The following GPHN variants were observed in gnomAD, a reference collection of about 807,000 sequenced individuals.
GPHN encodes the protein gephyrin.
In GPHN, 17 loss-of-function variants were observed where a neutral mutation model predicts 95.5. The observed-to-expected ratio is 0.18, with a 90% CI of 0.12 to 0.27. GPHN has a LOEUF of 0.27. Ranked by LOEUF, GPHN falls within the 10% of genes least tolerant of loss-of-function variation. The pLI is 1.00. For synonymous variants in GPHN, 320 were observed against 322.5 expected (o/e 0.99, Z 0.08); for missense variants, 660 against 978.1 (o/e 0.67, Z 4.34).
intron 1 of GPHN, among the ~76,000 whole-genome samples, chr14:66,576,759 A>G (rs138688435): frequency 4.0e-4 from 61 of 152,336 alleles, no homozygotes; most frequent in African/African-American, 1.2e-3. Context: ...GACTATTATG[A>G]TTAAGAGTAG....
At chr14:67,442,385 T>C in the GPHN span, among the ~76,000 whole-genome samples, 1 of 152,164 alleles carries the variant, frequency 6.6e-6, no homozygotes, top group Non-Finnish European at 1.5e-5. Context: ...GAAGAGGTTA[T>C]TTTTGGAGCT....
At chr14:66,638,526 A>G (rs1167745089) in intron 1 of GPHN, among the ~76,000 whole-genome samples, 1 of 152,200 alleles carries the variant, frequency 6.6e-6, no homozygotes, top group Non-Finnish European at 1.5e-5. Flanking sequence ...CTAGAAGAGT[A>G]GTGCAGTAGT....
chr14:66,509,120 G>C (rs2057923416), intron 1 of GPHN: 1 of 159,826 alleles, frequency 6.3e-6, no homozygotes, highest in African/African-American at 2.4e-5. Flanking sequence ...TCCTCCTCGG[G>C]TTGTCCCTCG....
At chr14:67,407,410 C>T in the GPHN span, among the ~76,000 whole-genome samples, 1 of 151,840 alleles carries the variant, frequency 6.6e-6, no homozygotes, top group African/African-American at 2.4e-5. Flanking sequence ...CATGAGCCAC[C>T]ACGCCCAGCC....
the GPHN span, chr14:67,586,723 C>A: frequency 9.5e-7 from 1 of 1,049,770 alleles, no homozygotes; most frequent in African/African-American, 1.6e-5. Flanking sequence ...TAGAGTTTGC[C>A]AAACCTACTC....
downstream of GPHN, among the ~76,000 whole-genome samples, chr14:67,182,778 A>G (rs2083342693): frequency 1.3e-5 from 2 of 152,072 alleles, no homozygotes; most frequent in Admixed American, 6.5e-5. Flanking sequence ...GCCATAATAC[A>G]GATTTTAAGG....
chr14:66,935,449 G>A (rs1453492869), intron 8 of GPHN, among the ~76,000 whole-genome samples: 1 of 150,084 alleles, frequency 6.7e-6, no homozygotes, highest in African/African-American at 2.4e-5. Flanking sequence ...ATATATATAT[G>A]TGTGTGTGTG....
intron 2 of GPHN, among the ~76,000 whole-genome samples, chr14:66,706,054 C>G (rs1595625170): frequency 6.6e-6 from 1 of 152,010 alleles, no homozygotes; most frequent in South Asian, 2.1e-4. Context: ...GAATAAACTC[C>G]CATTCATAAT....
intron 1 of GPHN, among the ~76,000 whole-genome samples, chr14:66,658,530 G>A (rs2065443960): frequency 6.6e-6 from 1 of 152,048 alleles, no homozygotes; most frequent in Non-Finnish European, 1.5e-5. Context: ...TCTTTCTGTT[G>A]CAACCACCAC....
intron 4 of GPHN, 51 bp from the exon 5 acceptor site, chr14:66,879,888 A>G: frequency 8.6e-7 from 1 of 1,159,522 alleles, no homozygotes; most frequent in Non-Finnish European, 1.3e-6. Flanking sequence ...GTCTGACTTC[A>G]TTCTTTTTTG....
At chr14:66,525,459 G>A (rs1280432361) in intron 1 of GPHN, among the ~76,000 whole-genome samples, 1 of 152,116 alleles carries the variant, frequency 6.6e-6, no homozygotes, top group African/African-American at 2.4e-5. Context: ...TCACTCTGAT[G>A]GTAGTTTCTT....
chr14:66,560,572 A>G (rs914876274), intron 1 of GPHN, among the ~76,000 whole-genome samples: 1 of 151,926 alleles, frequency 6.6e-6, no homozygotes, highest in African/African-American at 2.4e-5. Context: ...AATGCTTGTG[A>G]TTTTTTGCAC....
chr14:67,110,912 C>A (rs772692991), intron 14 of GPHN, among the ~76,000 whole-genome samples: 1 of 152,176 alleles, frequency 6.6e-6, no homozygotes, highest in Non-Finnish European at 1.5e-5. Flanking sequence ...CCTAAGCAAG[C>A]CTTTATCTCA....
chr14:67,473,911 C>G, the GPHN span: 3 of 1,603,428 alleles, frequency 1.9e-6, no homozygotes, highest in Non-Finnish European at 2.6e-6. This position sits in a 1 kb window ranked among gnomAD's most constrained non-coding sequence, Gnocchi z 6.5. Flanking sequence ...GTCAGGGGCT[C>G]GGCAGACGCC....
chr14:67,525,692 T>C, the GPHN span, among the ~76,000 whole-genome samples: 4 of 152,256 alleles, frequency 2.6e-5, no homozygotes, highest in African/African-American at 9.6e-5. Flanking sequence ...TTACTGCATA[T>C]GCAGTTTATT....
At chr14:67,248,293 G>A in the GPHN span, among the ~76,000 whole-genome samples, 1 of 152,018 alleles carries the variant, frequency 6.6e-6, no homozygotes, top group Non-Finnish European at 1.5e-5. Flanking sequence ...GGCTGAGGTG[G>A]GAGGGTCGCT....
the GPHN span, chr14:67,321,203 T>A: frequency 4.3e-6 from 7 of 1,614,082 alleles, no homozygotes; most frequent in Non-Finnish European, 5.9e-6. Flanking sequence ...TAGCATAGAT[T>A]CTGTACGGCA....
At chr14:67,571,656 A>G in the GPHN span, 1 of 1,335,806 alleles carries the variant, frequency 7.5e-7, no homozygotes. Context: ...GGGGTTGGCC[A>G]CACCATGGGC....
At chr14:67,243,645 A>G in the GPHN span, among the ~76,000 whole-genome samples, 1 of 150,746 alleles carries the variant, frequency 6.6e-6, no homozygotes, top group African/African-American at 2.4e-5. Context: ...GGTGCCCGCC[A>G]CCACGCCTGC....
Sources: allele counts gnomAD v4.1 joint callset (sites outside exome capture counted in the v4.1 genomes callset), GRCh38; gene constraint gnomAD v4.1.1; non-coding constraint Gnocchi (gnomAD v3.1); transcripts MANE v1.5; gene names NCBI Gene and HGNC (gene_info 2026-07-23, HGNC 2026-07-21).